XKR9: variants seen among roughly 807,000 people sequenced by gnomAD.
XKR9 encodes XK related 9.
Under a neutral mutation model 32.0 loss-of-function variants are expected in XKR9, and 32 were observed. That is an observed-to-expected ratio of 1.00 (90% confidence interval 0.76 to 1.34). XKR9 has a LOEUF of 1.34. XKR9 is among the 40% of genes most tolerant of loss of function. The pLI is 0.00. For missense variants in XKR9, 546 were observed against 429.7 expected, an observed-to-expected ratio of 1.27 and a Z score of -2.39; for synonymous variants, 168 against 143.4, an observed-to-expected ratio of 1.17 and a Z score of -1.22.
At chr8:70,819,044 A>G in the XKR9 span, among the ~76,000 whole-genome samples, 1 of 151,948 alleles carries the variant, frequency 6.6e-6, no homozygotes. Context: ...AAATCACACC[A>G]TTTCATAACT....
chr8:70,908,047 TGTTCAA>T, the XKR9 span, among the ~76,000 whole-genome samples: 1 of 152,208 alleles, frequency 6.6e-6, no homozygotes, highest in Non-Finnish European at 1.5e-5. Context: ...TCTGGAGTCT[TGTTCAA>T]GTTAAATCTA....
the XKR9 span, among the ~76,000 whole-genome samples, chr8:70,982,544 C>T: frequency 6.6e-6 from 1 of 152,182 alleles, no homozygotes; most frequent in Admixed American, 6.5e-5. Context: ...CCCACCGTGC[C>T]CCCAAAAAGC....
chr8:70,837,460 A>G, the XKR9 span, among the ~76,000 whole-genome samples: 2 of 152,106 alleles, frequency 1.3e-5, no homozygotes, highest in African/African-American at 4.8e-5. Flanking sequence ...GAGTTTACAG[A>G]GCAATGAGTT....
At chr8:70,991,714 G>A in the XKR9 span, among the ~76,000 whole-genome samples, 1 of 152,154 alleles carries the variant, frequency 6.6e-6, no homozygotes, top group Admixed American at 6.5e-5. Flanking sequence ...AGAACTATAT[G>A]CAGCTCCTAC....
chr8:70,754,614 C>G (rs1807190954), intron 2 of XKR9, among the ~76,000 whole-genome samples: 1 of 151,440 alleles, frequency 6.6e-6, no homozygotes, highest in Non-Finnish European at 1.5e-5. Context: ...CGCCGCACAT[C>G]TACAACTATC....
At chr8:70,675,681 A>G (rs1382330333) in intron 2 of XKR9, among the ~76,000 whole-genome samples, 1 of 152,218 alleles carries the variant, frequency 6.6e-6, no homozygotes, top group East Asian at 1.9e-4. Flanking sequence ...TCTCTAGGGC[A>G]CAAATACAAT....
At chr8:70,755,803 T>G (rs1160945892) in intron 2 of XKR9, among the ~76,000 whole-genome samples, 2 of 151,498 alleles carry the variant, frequency 1.3e-5, no homozygotes, top group Non-Finnish European at 2.9e-5. Flanking sequence ...GAGATATACC[T>G]AATGCTAAAT....
chr8:70,982,454 C>A, the XKR9 span, among the ~76,000 whole-genome samples: 1 of 152,030 alleles, frequency 6.6e-6, no homozygotes, highest in Non-Finnish European at 1.5e-5. Flanking sequence ...ATGCAGGTCA[C>A]CAGGGAAGTG....
the XKR9 span, among the ~76,000 whole-genome samples, chr8:70,845,703 G>A: frequency 6.6e-6 from 1 of 152,060 alleles, no homozygotes; most frequent in African/African-American, 2.4e-5. Context: ...AGCAAATTCA[G>A]AATGCAAAGA....
At chr8:70,903,508 T>A in the XKR9 span, among the ~76,000 whole-genome samples, 1 of 152,206 alleles carries the variant, frequency 6.6e-6, no homozygotes, top group Admixed American at 6.5e-5. Context: ...TTTTATTGTG[T>A]ATATTTTATT....
chr8:70,833,749 T>C, the XKR9 span, among the ~76,000 whole-genome samples: 1 of 152,218 alleles, frequency 6.6e-6, no homozygotes, highest in Middle Eastern at 3.2e-3. Flanking sequence ...TGAATTTTAC[T>C]GTGACATAGA....
At chr8:70,918,534 A>T in the XKR9 span, among the ~76,000 whole-genome samples, 1,275 of 152,080 alleles carry the variant, frequency 8.4e-3, 9 homozygotes, top group Admixed American at 0.015. Flanking sequence ...AGGTTGAGCT[A>T]ATAGGTCTTC....
chr8:70,856,116 C>T, the XKR9 span, among the ~76,000 whole-genome samples: 1 of 152,134 alleles, frequency 6.6e-6, no homozygotes, highest in African/African-American at 2.4e-5. Context: ...GGATCAAATG[C>T]ACACATAACA....
chr8:70,773,625 G>A (rs951134207), intron 2 of XKR9, among the ~76,000 whole-genome samples: 2 of 152,166 alleles, frequency 1.3e-5, no homozygotes, highest in African/African-American at 2.4e-5. Flanking sequence ...TAGCTTCATG[G>A]TGAAATGTTG....
the XKR9 span, among the ~76,000 whole-genome samples, chr8:70,922,516 A>C: frequency 6.6e-6 from 1 of 152,334 alleles, no homozygotes; most frequent in African/African-American, 2.4e-5. Context: ...TATCAATGTA[A>C]ACATCCATCC....
At chr8:70,927,599 A>G in the XKR9 span, among the ~76,000 whole-genome samples, 1 of 152,158 alleles carries the variant, frequency 6.6e-6, no homozygotes, top group Non-Finnish European at 1.5e-5. Context: ...CTCACATGGC[A>G]GAAGGCATGG....
At position 70,735,728 on chromosome 8, in the gene XKR9, C is replaced by G. The variant is rs1234675363; in HGVS notation, c.*1304C>G. 6.7e-6 allele frequency: 1 copy of G among 150,230 alleles called. No homozygotes were observed. Among genetic ancestry groups the G allele is most frequent in the Non-Finnish European group, 1.5e-5 (1 of 67,754 alleles). The allele number at this position is 150,230 out of a possible 1,614,324, so 9.3% of individuals were successfully genotyped here. On this transcript the variant is annotated 3_prime_UTR_variant, in exon 5 of 5. Transcript: ENST00000408926. ...AATATGCAGTGTTTGGTTTTTTGTT[C>G]TTGCGATAGTTTACTGAGAATGATG...
chr8:70,726,436 A>C (rs1199652568), intron 4 of XKR9, among the ~76,000 whole-genome samples: 1 of 152,246 alleles, frequency 6.6e-6, no homozygotes, highest in African/African-American at 2.4e-5. Flanking sequence ...AGAGTTCTGA[A>C]TGAAAAATTA....
chr8:70,974,413 C>A, the XKR9 span, among the ~76,000 whole-genome samples: 1 of 152,082 alleles, frequency 6.6e-6, no homozygotes, highest in Admixed American at 6.5e-5. Flanking sequence ...CCATGACAGG[C>A]CCCGGTGTTT....
Sources: gnomAD v4.1 joint callset for allele counts (sites outside exome capture counted in the v4.1 genomes callset) on GRCh38, gnomAD v4.1.1 for gene constraint, MANE v1.5 for transcripts, NCBI Gene and HGNC (gene_info 2026-07-23, HGNC 2026-07-21) for gene names.